The following ZNF665 variants were observed in gnomAD, a reference collection of about 807,000 sequenced individuals.
ZNF665 encodes the protein zinc finger protein 665.
ZNF665 carries 6 observed loss-of-function variants against 7.9 expected under a neutral mutation model. The observed-to-expected ratio is 0.76, with a 90% confidence interval of 0.42 to 1.50. The LOEUF is 1.50. ZNF665 is among the 40% of genes most tolerant of loss of function. The pLI is 0.01. For missense variants in ZNF665, 819 were observed against 806.7 expected (o/e 1.02, Z -0.18); for synonymous variants, 242 against 274.5 (o/e 0.88, Z 1.17).
chr19:53,184,836 T>C (rs770204148), intron 1 of ZNF665, among the ~76,000 whole-genome samples: 1 of 148,874 alleles, frequency 6.7e-6, no homozygotes, highest in Non-Finnish European at 1.5e-5. Flanking sequence ...GGATAAGGAG[T>C]GTGAGCCATC....
intron 3 of ZNF665, among the ~76,000 whole-genome samples, chr19:53,175,087 T>C (rs1044698278): frequency 2.6e-5 from 4 of 151,978 alleles, no homozygotes; most frequent in Non-Finnish European, 5.9e-5. Flanking sequence ...ATTTCAACAG[T>C]TGATCCACGG....
chr19:53,181,977 C>T (rs1046918087), intron 2 of ZNF665: 1 of 152,240 alleles, frequency 6.6e-6, no homozygotes, highest in Admixed American at 6.5e-5. Flanking sequence ...CACCAATTTC[C>T]CATTTCTCCT....
chr19:53,179,158 G>C (rs2090718712), intron 2 of ZNF665, among the ~76,000 whole-genome samples: 1 of 152,066 alleles, frequency 6.6e-6, no homozygotes, highest in Non-Finnish European at 1.5e-5. Context: ...TGGATCACGA[G>C]GTCAGGAGAT....
At chr19:53,183,804 G>C (rs903020474) in intron 1 of ZNF665, among the ~76,000 whole-genome samples, 1 of 152,180 alleles carries the variant, frequency 6.6e-6, no homozygotes, top group Admixed American at 6.5e-5. Flanking sequence ...CCTGAGGCAG[G>C]AGCAACTTGG....
At chr19:53,171,524 A>ATT (rs1215685651) in intron 3 of ZNF665, among the ~76,000 whole-genome samples, 4,480 of 69,512 alleles carry the variant, frequency 0.064, 265 homozygotes, top group African/African-American at 0.076. Flanking sequence ...ATATATATAT[A>ATT]TTTTTTTTTT....
intron 1 of ZNF665, among the ~76,000 whole-genome samples, chr19:53,184,403 GC>G (rs1283467586): frequency 6.6e-6 from 1 of 152,066 alleles, no homozygotes; most frequent in Non-Finnish European, 1.5e-5. Context: ...GTACAGGGTG[GC>G]CCCCATCCAC....
At chr19:53,189,361 C>T (rs556308893) in intron 1 of ZNF665, among the ~76,000 whole-genome samples, 1 of 151,230 alleles carries the variant, frequency 6.6e-6, no homozygotes, top group Non-Finnish European at 1.5e-5. Context: ...GTAGTGGCCC[C>T]GAATGTCTGG....
intron 3 of ZNF665, among the ~76,000 whole-genome samples, chr19:53,166,571 C>T (rs1162837175): frequency 2.0e-5 from 3 of 152,172 alleles, no homozygotes; most frequent in Middle Eastern, 3.2e-3. Context: ...TTTAAACATT[C>T]TGTGAACAAA....
chr19:53,179,377 CAAAAA>C (rs35184690), intron 2 of ZNF665, among the ~76,000 whole-genome samples: 2 of 70,416 alleles, frequency 2.8e-5, no homozygotes, highest in African/African-American at 1.2e-4. Flanking sequence ...GATTCCGTCT[CAAAAA>C]AAAAAAAAAA....
In ZNF665 at chr19:53,165,042, T is replaced by C; in HGVS notation, c.1448A>G (p.Glu483Gly). The C allele has an allele frequency of 6.2e-7, 1 of 1,614,210 alleles. No homozygotes were observed. The highest frequency in any genetic ancestry group is 8.5e-7 in the Non-Finnish European group (1 of 1,180,052). The change falls in exon 4 of 4, where the codon GAG becomes GGG. Residue 483 changes from glutamate (E) to glycine (G), a missense_variant. Physicochemically the swap from Glu to Gly is moderately conservative, Grantham distance 98 (BLOSUM62 -2). Transcript: ENST00000396424. ...LASHRGIHSG[E>G]KPYKCDECGK... ...ACATTCATCACACTTGTAAGGTTTC[T>C]CTCCAGAATGAATTCCCCGATGACT... is the stretch of plus-strand genomic sequence containing the variant.
chr19:53,177,642 C>T (rs1221661611), intron 2 of ZNF665, among the ~76,000 whole-genome samples: 1 of 152,122 alleles, frequency 6.6e-6, no homozygotes, highest in Admixed American at 6.6e-5. Flanking sequence ...AAGCAATATT[C>T]AGCATCTAGA....
rs964323205 is a variant in ZNF665 at position 53,168,412 on chromosome 19, C to A, written c.143-2065G>T. 2.0e-5 allele frequency among the ~76,000 whole-genome samples: 3 copies of A among 152,064 alleles called. No homozygotes were observed. The East Asian group carries it at 5.8e-4, about 29-fold the overall frequency. On this transcript the variant is annotated intron_variant, in intron 3 of 3. Coordinates refer to ENST00000396424, the MANE Select transcript of ZNF665 (RefSeq NM_024733.5). ...CGACAGCAGATATGAAGAACCTATA[C>A]ACTAAAAACTATAAAATATTGCAGA...
At chr19:53,176,811 A>C (rs755831474) in intron 2 of ZNF665, among the ~76,000 whole-genome samples, 4 of 152,232 alleles carry the variant, frequency 2.6e-5, no homozygotes, top group Non-Finnish European at 4.4e-5. Context: ...TCTGTGTTGC[A>C]AGAGTACAGT....
intron 1 of ZNF665, among the ~76,000 whole-genome samples, chr19:53,192,985 C>T (rs1461725875): frequency 6.6e-6 from 1 of 152,010 alleles, no homozygotes; most frequent in Non-Finnish European, 1.5e-5. Context: ...CTGACTAGGG[C>T]GAGGTTAGGG....
chr19:53,185,294 G>A (rs529814972), intron 1 of ZNF665, among the ~76,000 whole-genome samples: 22 of 152,064 alleles, frequency 1.4e-4, no homozygotes, highest in Admixed American at 1.3e-3. Flanking sequence ...CTTCCCAGAC[G>A]CTGGCGTCAC....
chr19:53,192,755 C>G (rs1038448463), intron 1 of ZNF665, among the ~76,000 whole-genome samples: 19 of 152,104 alleles, frequency 1.2e-4, no homozygotes, highest in Admixed American at 1.2e-3. Flanking sequence ...GGCAAGAACA[C>G]CGGGTATCAC....
In ZNF665 at chr19:53,164,553, G is replaced by T; in HGVS notation, c.1937C>A (p.Ala646Glu). The T allele has an allele frequency of 6.2e-7, 1 of 1,613,986 alleles. No individual in the cohort carries two copies. Among genetic ancestry groups the T allele is most frequent in the Non-Finnish European group, 8.5e-7 (1 of 1,179,890 alleles). The change falls in exon 4 of 4, where the codon GCA becomes GAA. Residue 646 changes from alanine to glutamate, a missense_variant. Coordinates refer to ENST00000396424, the MANE Select transcript of ZNF665 (RefSeq NM_024733.5). ...GTAAGGTTTGTCTCCAGTATGGACT[G>T]CCATATGGGTAGTTAGGGTTGAACG... ...SVRSTLTTHMAVHTGDKPYKC... is the reference protein window; with the variant it reads ...SVRSTLTTHMEVHTGDKPYKC...
In ZNF665 at chr19:53,164,263, G is replaced by A. The variant is rs755573737; in HGVS notation, c.*190C>T. On this transcript the variant is annotated 3_prime_UTR_variant, in exon 4 of 4. Coordinates refer to ENST00000396424, the MANE Select transcript of ZNF665 (RefSeq NM_024733.5). ...AGTGATTCTCCTGCCTCAGCCTCCC[G>A]AGTAGCTGGGATTACAGGCGTGCAC... 4.9e-5 allele frequency: 21 copies of A among 424,852 alleles called. No individual in the cohort carries two copies. The highest frequency in any genetic ancestry group is 8.1e-5 in the African/African-American group (4 of 49,354). The allele number at this position is 424,852 out of a possible 1,614,324, so 26.3% of individuals were successfully genotyped here.
At chr19:53,184,589 A>C (rs2090762680) in intron 1 of ZNF665, among the ~76,000 whole-genome samples, 1 of 151,970 alleles carries the variant, frequency 6.6e-6, no homozygotes, top group Non-Finnish European at 1.5e-5. Context: ...GGTGGGTTTA[A>C]AGCTGTGAGA....
Sources: gnomAD v4.1 joint callset for allele counts (sites outside exome capture counted in the v4.1 genomes callset) on GRCh38, gnomAD v4.1.1 for gene constraint, MANE v1.5 for transcripts, NCBI Gene and HGNC (gene_info 2026-07-23, HGNC 2026-07-21) for gene names.